The following ZNF782 variants were observed in gnomAD, a reference collection of about 807,000 sequenced individuals.
ZNF782 encodes the protein zinc finger protein 782.
Under a neutral mutation model 13.0 loss-of-function variants are expected in ZNF782, and 12 were observed. The ratio of observed to expected loss-of-function variants is 0.92; its 90% CI spans 0.59 to 1.50. The LOEUF (loss-of-function observed/expected upper bound fraction) is 1.50. Ranked by LOEUF, ZNF782 falls within the 40% of genes most tolerant of loss-of-function variation. ZNF782 has a pLI of 0.00. For missense variants in ZNF782, 770 were observed against 822.9 expected (o/e 0.94, Z 0.79); for synonymous variants, 284 against 283.0 (o/e 1.00, Z -0.04).
Position 96,817,821 on chromosome 9 carries a change from C to T in ZNF782, c.*102G>A. The T allele has an allele frequency of 5.0e-6, 5 of 1,007,916 alleles. No individual in the cohort carries two copies. The highest frequency in any genetic ancestry group is 7.0e-6 in the Non-Finnish European group (5 of 711,004). 62.4% of individuals were successfully genotyped at this position (1,007,916 alleles called of 1,614,324 possible). A position where few individuals can be genotyped will look rare whatever the true frequency, so the allele number is the denominator to read the frequency against. ...GAGGCTGAAATTGTAGAGGAAATTC[C>T]AGTGCTCACTATGTTAACAGTTCTC... On this transcript the variant is annotated 3_prime_UTR_variant, in exon 6 of 6. Transcript: ENST00000481138.
chr9:96,915,333 A>G, the ZNF782 span, among the ~76,000 whole-genome samples: 1 of 151,908 alleles, frequency 6.6e-6, no homozygotes, highest in South Asian at 2.1e-4. Flanking sequence ...TTTCTAAAGC[A>G]CGTACACAGG....
upstream of ZNF782, among the ~76,000 whole-genome samples, chr9:96,855,091 A>C (rs141108473): frequency 0.01 from 1,536 of 152,316 alleles, 32 homozygotes; most frequent in African/African-American, 0.034. Context: ...GAGGGTTCTA[A>C]GGCGGGTCGA....
chr9:96,875,802 G>A (rs1482994384), upstream of ZNF782, among the ~76,000 whole-genome samples: 4 of 152,168 alleles, frequency 2.6e-5, no homozygotes, highest in Non-Finnish European at 5.9e-5. Flanking sequence ...CCCACTTCAG[G>A]TGAGCACCTT....
chr9:96,925,661 G>A, the ZNF782 span, among the ~76,000 whole-genome samples: 3 of 148,872 alleles, frequency 2.0e-5, no homozygotes, highest in Non-Finnish European at 4.4e-5. Flanking sequence ...TGGTACAGAA[G>A]CAACTCACTG....
chr9:96,826,598 A>G (rs921694336), intron 5 of ZNF782, among the ~76,000 whole-genome samples: 7 of 152,210 alleles, frequency 4.6e-5, no homozygotes, highest in Non-Finnish European at 8.8e-5. Flanking sequence ...GAGTTGATTC[A>G]GCAGGCCTGA....
At chr9:96,919,835 C>G in the ZNF782 span, among the ~76,000 whole-genome samples, 70 of 151,078 alleles carry the variant, frequency 4.6e-4, 1 homozygote, top group East Asian at 7.0e-3. Flanking sequence ...GCTGAGATCA[C>G]AGGCATGCGC....
rs183371275 is a variant in ZNF782, at chr9:96,817,062, C to G, written c.*861G>C. ...ACTGTGTACAGGGAGGAGAAAACTCCATGCCACAGGATCCTTCTCTGACCC... is the reference window on the plus strand; with the variant it reads ...ACTGTGTACAGGGAGGAGAAAACTCGATGCCACAGGATCCTTCTCTGACCC... On this transcript the variant is annotated 3_prime_UTR_variant, in exon 6 of 6. Coordinates refer to ENST00000481138, the MANE Select transcript of ZNF782 (RefSeq NM_001001662.3). 1 of 150,954 alleles carries G rather than the reference C, an allele frequency of 6.6e-6. No homozygotes were observed. Among genetic ancestry groups the G allele is most frequent in the East Asian group, 1.9e-4 (1 of 5,188 alleles). The allele number at this position is 150,954 out of a possible 1,614,324, so 9.4% of individuals were successfully genotyped here. A position where few individuals can be genotyped will look rare whatever the true frequency, so the allele number is the denominator to read the frequency against.
chr9:96,825,633 G>T (rs1198477956), intron 5 of ZNF782, among the ~76,000 whole-genome samples: 1 of 151,848 alleles, frequency 6.6e-6, no homozygotes, highest in African/African-American at 2.4e-5. Context: ...TACAAAATGG[G>T]AGAAAATTTT....
chr9:96,911,510 G>GTTTTTT, the ZNF782 span, among the ~76,000 whole-genome samples: 55 of 109,664 alleles, frequency 5.0e-4, 2 homozygotes, highest in East Asian at 0.011. Flanking sequence ...TTTTTTTTTT[G>GTTTTTT]TTTTTGTTTT....
the ZNF782 span, among the ~76,000 whole-genome samples, chr9:96,884,289 A>G: frequency 1.3e-5 from 2 of 152,210 alleles, no homozygotes; most frequent in African/African-American, 2.4e-5. Context: ...CCCAGCAGCA[A>G]TGAAATTTGA....
the ZNF782 span, among the ~76,000 whole-genome samples, chr9:96,917,325 C>T: frequency 2.0e-5 from 3 of 149,964 alleles, no homozygotes; most frequent in South Asian, 2.1e-4. Context: ...TATATGCATA[C>T]GTTAATTTTC....
At chr9:96,899,643 C>G in the ZNF782 span, among the ~76,000 whole-genome samples, 1 of 152,208 alleles carries the variant, frequency 6.6e-6, no homozygotes, top group African/African-American at 2.4e-5. Flanking sequence ...CCTTTTTCCA[C>G]TAAAGGCCTG....
At chr9:96,836,369 C>A (rs1015108794) in intron 4 of ZNF782, among the ~76,000 whole-genome samples, 3 of 152,072 alleles carry the variant, frequency 2.0e-5, no homozygotes, top group African/African-American at 4.8e-5. Context: ...CATGCCACAT[C>A]TGGCTAATTT....
At chr9:96,929,970 CTAT>C in the ZNF782 span, among the ~76,000 whole-genome samples, 5 of 152,066 alleles carry the variant, frequency 3.3e-5, no homozygotes, top group Admixed American at 2.6e-4. Flanking sequence ...GAAGACAGTC[CTAT>C]TATTATTATT....
intron 4 of ZNF782, among the ~76,000 whole-genome samples, chr9:96,831,260 A>C (rs1166471890): frequency 6.6e-6 from 1 of 152,210 alleles, no homozygotes; most frequent in Non-Finnish European, 1.5e-5. Context: ...AGTTCTGTTG[A>C]CTTGACTGTA....
chr9:96,888,003 C>T, the ZNF782 span: 2 of 124,136 alleles, frequency 1.6e-5, no homozygotes, highest in East Asian at 4.7e-4. Context: ...GAACATCACA[C>T]ACCAGGGCCT....
At position 96,852,008 on chromosome 9, in the gene ZNF782, G is replaced by C. The variant is rs764627630; in HGVS notation, c.-44-3C>G. ...TATAGAGAACTGTAAAGCCTCAGCTGGGGGGACAGAAAGAGGATGTCACAC... is the reference window on the plus strand; with the variant it reads ...TATAGAGAACTGTAAAGCCTCAGCTCGGGGGACAGAAAGAGGATGTCACAC... On this transcript the variant is annotated splice_region_variant and splice_polypyrimidine_tract_variant and intron_variant, in intron 2 of 5. Transcript: ENST00000481138. 3 of 1,597,976 alleles carry C rather than the reference G, an allele frequency of 1.9e-6. No homozygotes were observed. The highest frequency in any genetic ancestry group is 2.6e-6 in the Non-Finnish European group (3 of 1,166,004).
the ZNF782 span, among the ~76,000 whole-genome samples, chr9:96,927,291 G>A: frequency 6.6e-5 from 10 of 152,160 alleles, no homozygotes; most frequent in South Asian, 2.1e-4. Context: ...CAGAATGGAC[G>A]TGGGTTGTGG....
upstream of ZNF782, among the ~76,000 whole-genome samples, chr9:96,876,367 T>C (rs1851892605): frequency 6.6e-6 from 1 of 152,212 alleles, no homozygotes; most frequent in Non-Finnish European, 1.5e-5. Context: ...GGCAAAAGGT[T>C]AACTTTTCTT....
Sources: gnomAD v4.1 joint callset for allele counts (sites outside exome capture counted in the v4.1 genomes callset) on GRCh38, gnomAD v4.1.1 for gene constraint, MANE v1.5 for transcripts, NCBI Gene and HGNC (gene_info 2026-07-23, HGNC 2026-07-21) for gene names.